NAV3: variants seen among roughly 807,000 people sequenced by gnomAD.
The protein encoded by NAV3 is pore membrane and/or filament interacting like protein 1.
NAV3 carries 87 observed loss-of-function variants against 244.7 expected under a neutral mutation model. The ratio of observed to expected loss-of-function variants is 0.36; its 90% CI spans 0.30 to 0.42. The LOEUF is 0.42. NAV3 is among the 20% of genes least tolerant of loss of function. The probability of loss-of-function intolerance (pLI) is 1.00; values close to 1 mark genes in which losing one functional copy is unlikely to be tolerated. For synonymous variants in NAV3, 1,126 were observed against 1,042.2 expected (o/e 1.08, Z -1.55); for missense variants, 2,663 against 2,893.3 (o/e 0.92, Z 1.83).
At chr12:77,961,813 A>G (rs1371431562) in intron 3 of NAV3, among the ~76,000 whole-genome samples, 1 of 150,980 alleles carries the variant, frequency 6.6e-6, no homozygotes, top group East Asian at 1.9e-4. Flanking sequence ...TCCTCTATGT[A>G]TACATTACAC....
At chr12:77,907,292 T>A (rs1356119385) in intron 1 of NAV3, among the ~76,000 whole-genome samples, 2 of 152,152 alleles carry the variant, frequency 1.3e-5, no homozygotes, top group Admixed American at 1.3e-4. Flanking sequence ...TATTCCCAAG[T>A]CTGTGTCTTT....
rs1297663106 is a variant in NAV3, at chr12:78,050,998, T to G, written c.2367T>G (p.Ala789=). The change falls in exon 11 of 40, where the codon GCT becomes GCG. Residue 789 remains alanine, a synonymous_variant. Transcript: ENST00000397909. The stretch of plus-strand genomic sequence containing the variant: ...ATACCACGCCTCTCCGTCGAGCTGC[T>G]GTCTCTAGGCTGGGAAACATGTCAC... ...FMYTTPLRRA[A]VSRLGNMSQI... 6.2e-6 allele frequency: 10 copies of G among 1,614,120 alleles called. No homozygotes were observed. Among genetic ancestry groups the G allele is most frequent in the Non-Finnish European group, 8.5e-6 (10 of 1,180,026 alleles).
chr12:77,656,104 A>G (rs1432662862), intron 2 of NAV3, among the ~76,000 whole-genome samples: 1 of 151,422 alleles, frequency 6.6e-6, no homozygotes, highest in South Asian at 2.1e-4. Flanking sequence ...TTCACACATA[A>G]CAATATTAAC....
chr12:77,831,195 C>CAG lies in NAV3; in HGVS notation c.-245_-244dup, dbSNP rs71088342. 304 of 145,150 alleles carry CAG rather than the reference C, an allele frequency of 2.1e-3. 2 individuals are homozygous for CAG. Among genetic ancestry groups the CAG allele is most frequent in the Admixed American group, 3.6e-3 (48 of 13,380 alleles). 9.0% of individuals were successfully genotyped at this position (145,150 alleles called of 1,614,324 possible). On this transcript the variant is annotated 5_prime_UTR_variant, in exon 1 of 40. Transcript: ENST00000397909. ...AGAGAGAGAGAGAGAGAGAGAGAGA[C>CAG]AGAGAGAGAGAGAGAGAGAGAGAAA...
At chr12:78,063,369 G>A (rs1884571526) in intron 12 of NAV3, among the ~76,000 whole-genome samples, 1 of 152,144 alleles carries the variant, frequency 6.6e-6, no homozygotes, top group Non-Finnish European at 1.5e-5. Flanking sequence ...TATACATTGT[G>A]TTGGGCTATG....
chr12:78,031,008 C>T (rs1878884178), intron 9 of NAV3, among the ~76,000 whole-genome samples: 1 of 152,146 alleles, frequency 6.6e-6, no homozygotes, highest in Admixed American at 6.6e-5. Context: ...TATTGTTGAA[C>T]TTTTATTGCT....
At chr12:77,657,785 A>G (rs2137019834) in intron 2 of NAV3, among the ~76,000 whole-genome samples, 1 of 152,320 alleles carries the variant, frequency 6.6e-6, no homozygotes, top group Middle Eastern at 3.4e-3. Flanking sequence ...CATCCCTGGG[A>G]TGCAAGGCTG....
chr12:77,931,854 A>G (rs1888836217), intron 1 of NAV3, among the ~76,000 whole-genome samples: 1 of 151,922 alleles, frequency 6.6e-6, no homozygotes, highest in Non-Finnish European at 1.5e-5. Context: ...GTGACAGAGC[A>G]AGACTCCATC....
chr12:77,612,120 A>G (rs893087399), intron 2 of NAV3, among the ~76,000 whole-genome samples: 12 of 152,186 alleles, frequency 7.9e-5, no homozygotes, highest in Admixed American at 7.2e-4. Flanking sequence ...TCATAATCCT[A>G]GAGTAGAAAG....
chr12:77,690,293 T>C (rs1874944661), intron 2 of NAV3, among the ~76,000 whole-genome samples: 1 of 151,806 alleles, frequency 6.6e-6, no homozygotes, highest in Non-Finnish European at 1.5e-5. Flanking sequence ...CTTGGGTCAC[T>C]TTGACAAATG....
intron 2 of NAV3, among the ~76,000 whole-genome samples, chr12:77,652,700 C>T (rs934965975): frequency 2.0e-5 from 3 of 152,012 alleles, no homozygotes; most frequent in African/African-American, 4.8e-5. Context: ...AAAGGATAGA[C>T]CTAAGGGATA....
intron 2 of NAV3, among the ~76,000 whole-genome samples, chr12:77,716,363 C>T (rs1038403988): frequency 1.3e-5 from 2 of 150,980 alleles, no homozygotes; most frequent in Non-Finnish European, 3.0e-5. Context: ...AAGGAATGTA[C>T]CATGTTCTCA....
intron 2 of NAV3, among the ~76,000 whole-genome samples, chr12:77,794,346 A>G (rs1871312998): frequency 2.0e-5 from 3 of 152,290 alleles, no homozygotes; most frequent in African/African-American, 7.2e-5. Flanking sequence ...ATATTGATCA[A>G]ATAAGTAAAC....
chr12:78,063,629 T>C (rs1884602721), intron 12 of NAV3, among the ~76,000 whole-genome samples: 1 of 152,144 alleles, frequency 6.6e-6, no homozygotes, highest in African/African-American at 2.4e-5. Context: ...TCTTAATAGA[T>C]GTCTATACAA....
chr12:78,036,989 G>A (rs1879997492), intron 9 of NAV3: 1 of 702,920 alleles, frequency 1.4e-6, no homozygotes, highest in Non-Finnish European at 2.6e-6. Context: ...GGAGACCCAC[G>A]GTGCGCATTT....
At chr12:78,090,090 C>T (rs144016670) in intron 12 of NAV3, among the ~76,000 whole-genome samples, 138 of 151,862 alleles carry the variant, frequency 9.1e-4, no homozygotes, top group African/African-American at 3.1e-3. Flanking sequence ...CTCTTATCTC[C>T]AGTATGCCCT....
At chr12:78,148,514 AG>A (rs202115402) in intron 21 of NAV3, among the ~76,000 whole-genome samples, 2,602 of 152,270 alleles carry the variant, frequency 0.017, 31 homozygotes, top group Middle Eastern at 0.031. Context: ...ATTTTTCTAC[AG>A]TTTTATTACC....
chr12:78,006,148 G>A (rs1276518032), intron 7 of NAV3, among the ~76,000 whole-genome samples: 1 of 152,068 alleles, frequency 6.6e-6, no homozygotes, highest in African/African-American at 2.4e-5. Context: ...TCTGTGACTA[G>A]CAAATTTATT....
intron 2 of NAV3, among the ~76,000 whole-genome samples, chr12:77,623,727 G>A (rs75549179): frequency 0.02 from 3,049 of 152,280 alleles, 94 homozygotes; most frequent in African/African-American, 0.07. Flanking sequence ...TGAAAACAAT[G>A]AGAGAGATAA....
Sources: allele counts gnomAD v4.1 joint callset (sites outside exome capture counted in the v4.1 genomes callset), GRCh38; gene constraint gnomAD v4.1.1; transcripts MANE v1.5; gene names NCBI Gene and HGNC (gene_info 2026-07-23, HGNC 2026-07-21).